The following PBX1 variants were observed in gnomAD, a reference collection of about 807,000 sequenced individuals.
PBX1 encodes pre-B-cell leukemia transcription factor 1.
A neutral mutation model predicts 53.4 loss-of-function variants in PBX1; 6 were observed. The ratio of observed to expected loss-of-function variants is 0.11; its 90% CI spans 0.06 to 0.22. PBX1 has a LOEUF of 0.22. PBX1 is among the 10% of genes least tolerant of loss of function. PBX1 has a pLI of 1.00. For missense variants in PBX1, 251 were observed against 551.4 expected, an observed-to-expected ratio of 0.46 and a Z score of 5.46; for synonymous variants, 204 against 212.3, an observed-to-expected ratio of 0.96 and a Z score of 0.34.
downstream of PBX1, among the ~76,000 whole-genome samples, chr1:164,856,415 C>G (rs1339432889): frequency 2.0e-5 from 3 of 152,206 alleles, no homozygotes; most frequent in African/African-American, 7.2e-5. Flanking sequence ...ATAGGGCTCA[C>G]TCTCTGCTGT....
intron 3 of PBX1, among the ~76,000 whole-genome samples, chr1:164,795,084 AACGGC>A (rs1434401578): frequency 6.6e-6 from 1 of 152,240 alleles, no homozygotes; most frequent in African/African-American, 2.4e-5. Flanking sequence ...CGGCTGACAT[AACGGC>A]ACTTGCTCCT....
chr1:164,727,550 G>A (rs974781382), intron 2 of PBX1, among the ~76,000 whole-genome samples: 4 of 152,148 alleles, frequency 2.6e-5, no homozygotes, highest in Non-Finnish European at 5.9e-5. Context: ...TTAAGTCTTA[G>A]AGATGCATTT....
At chr1:164,734,100 T>C (rs1262948804) in intron 2 of PBX1, among the ~76,000 whole-genome samples, 1 of 152,240 alleles carries the variant, frequency 6.6e-6, no homozygotes, top group Non-Finnish European at 1.5e-5. Flanking sequence ...ACTGTGATTT[T>C]AATGGACATT....
intron 1 of PBX1, chr1:164,560,565 A>C (rs1652969255): frequency 5.5e-6 from 1 of 180,584 alleles, no homozygotes; most frequent in African/African-American, 2.3e-5. Flanking sequence ...CCCCCTACCC[A>C]AAATACAAAA....
At chr1:164,592,907 G>A (rs1454612463) in intron 2 of PBX1, among the ~76,000 whole-genome samples, 1 of 152,010 alleles carries the variant, frequency 6.6e-6, no homozygotes, top group Non-Finnish European at 1.5e-5. Flanking sequence ...ATGGGAACTT[G>A]GGAGCTAGTA....
chr1:164,579,275 T>G (rs1292297767), intron 2 of PBX1, among the ~76,000 whole-genome samples: 1 of 152,198 alleles, frequency 6.6e-6, no homozygotes, highest in African/African-American at 2.4e-5. Flanking sequence ...TGTAGACAAT[T>G]TGTGCATTGT....
At chr1:164,813,828 G>A (rs937246244) in intron 6 of PBX1, 4 of 152,138 alleles carry the variant, frequency 2.6e-5, no homozygotes, top group African/African-American at 7.2e-5. Flanking sequence ...AGAAAAATAA[G>A]CATTTTAACC....
At chr1:164,581,654 A>AG (rs1654625927) in intron 2 of PBX1, among the ~76,000 whole-genome samples, 1 of 152,206 alleles carries the variant, frequency 6.6e-6, no homozygotes, top group Non-Finnish European at 1.5e-5. Flanking sequence ...ATATCACCCC[A>AG]GGTCTTTGAA....
chr1:164,598,159 G>GT (rs1655894807), intron 2 of PBX1, among the ~76,000 whole-genome samples: 2 of 152,262 alleles, frequency 1.3e-5, no homozygotes, highest in South Asian at 4.1e-4. Context: ...GGATAGCAAT[G>GT]TTAATCCATT....
chr1:164,647,834 A>T (rs749490497), intron 2 of PBX1, among the ~76,000 whole-genome samples: 68 of 114,264 alleles, frequency 6.0e-4, no homozygotes, highest in Middle Eastern at 6.0e-3. Context: ...TTTTTTTTTG[A>T]GACAGAGTCT....
chr1:164,620,085 C>G (rs2101849518), intron 2 of PBX1, among the ~76,000 whole-genome samples: 1 of 151,882 alleles, frequency 6.6e-6, no homozygotes, highest in East Asian at 1.9e-4. Flanking sequence ...CCTAGCTACT[C>G]AGGAGGCTGA....
At chr1:164,636,805 G>C (rs1057465797) in intron 2 of PBX1, among the ~76,000 whole-genome samples, 3 of 152,116 alleles carry the variant, frequency 2.0e-5, no homozygotes, top group Non-Finnish European at 2.9e-5. Context: ...CTAAACTGTG[G>C]TGGGGTTTCT....
At chr1:164,655,131 A>G (rs1435115440) in intron 2 of PBX1, among the ~76,000 whole-genome samples, 4 of 112,718 alleles carry the variant, frequency 3.5e-5, no homozygotes, top group Non-Finnish European at 7.8e-5. Flanking sequence ...TTATTTTTTT[A>G]AGACGGAATT....
downstream of PBX1, chr1:164,854,467 A>G (rs1671935450): frequency 6.6e-6 from 1 of 152,142 alleles, no homozygotes; most frequent in Admixed American, 6.5e-5. Flanking sequence ...GTCTTATCAA[A>G]TCATTCAGTG....
chr1:164,770,921 A>G (rs1006412085), intron 2 of PBX1: 1 of 152,098 alleles, frequency 6.6e-6, no homozygotes, highest in African/African-American at 2.4e-5. Flanking sequence ...TCAGCAAGGT[A>G]ATTTAAATTT....
chr1:164,865,646 C>T (rs1672199821), intron 2 of PBX1, among the ~76,000 whole-genome samples: 1 of 152,202 alleles, frequency 6.6e-6, no homozygotes, highest in Admixed American at 6.5e-5. Context: ...ATCCACTTTC[C>T]AAAAGGTACA....
intron 2 of PBX1, among the ~76,000 whole-genome samples, chr1:164,718,607 C>T (rs1383588501): frequency 6.6e-6 from 1 of 152,176 alleles, no homozygotes; most frequent in Admixed American, 6.5e-5. Flanking sequence ...CATAGAAGCA[C>T]ATGGGCAGCC....
At chr1:164,870,745 C>A (rs1001782707) in intron 2 of PBX1, among the ~76,000 whole-genome samples, 8 of 152,168 alleles carry the variant, frequency 5.3e-5, no homozygotes, top group African/African-American at 1.9e-4. Context: ...CCAAACAAAT[C>A]TAAAAGTAAA....
At chr1:164,599,154 A>G (rs1451280373) in intron 2 of PBX1, among the ~76,000 whole-genome samples, 1 of 140,974 alleles carries the variant, frequency 7.1e-6, no homozygotes, top group East Asian at 2.0e-4. Context: ...ATTCTCTCCC[A>G]ATAGATCTCA....
Sources: allele counts gnomAD v4.1 joint callset (sites outside exome capture counted in the v4.1 genomes callset), GRCh38; gene constraint gnomAD v4.1.1; transcripts MANE v1.5; gene names NCBI Gene and HGNC (gene_info 2026-07-23, HGNC 2026-07-21).